Variants in CA10 observed in about 807,000 individuals in gnomAD.
CA10 encodes the protein carbonic anhydrase-related protein 10.
In CA10, 14 loss-of-function variants were observed where a neutral mutation model predicts 44.2. The ratio of observed to expected loss-of-function variants is 0.32; its 90% CI spans 0.21 to 0.50. The LOEUF (loss-of-function observed/expected upper bound fraction) is 0.50. Among genes scored for constraint, CA10 ranks in the 20% least tolerant of loss-of-function variants. CA10 has a pLI of 0.99. For missense variants in CA10, 350 were observed against 409.7 expected, an observed-to-expected ratio of 0.85 and a Z score of 1.26; for synonymous variants, 159 against 141.6, an observed-to-expected ratio of 1.12 and a Z score of -0.87.
chr17:51,908,417 T>C (rs1981651936), intron 3 of CA10, among the ~76,000 whole-genome samples: 1 of 152,144 alleles, frequency 6.6e-6, no homozygotes, highest in South Asian at 2.1e-4. Flanking sequence ...TTTTAACAAA[T>C]TTTGAGTGTG....
chr17:51,717,736 CGT>C (rs372145422), intron 4 of CA10, among the ~76,000 whole-genome samples: 621 of 21,022 alleles, frequency 0.03, 71 homozygotes, highest in African/African-American at 0.066. Context: ...TACATATATA[CGT>C]ATATATACAT....
chr17:52,026,191 G>A (rs1465014457), intron 2 of CA10, among the ~76,000 whole-genome samples: 1 of 152,116 alleles, frequency 6.6e-6, no homozygotes, highest in Non-Finnish European at 1.5e-5. Context: ...TTCCACTGAG[G>A]TGGAACAGAG....
chr17:51,753,574 G>A (rs537134439), intron 3 of CA10, among the ~76,000 whole-genome samples: 16 of 152,168 alleles, frequency 1.1e-4, no homozygotes, highest in Admixed American at 5.2e-4. Flanking sequence ...AGGGGGTGGC[G>A]GTAAATTCTG....
At chr17:51,635,750 G>A (rs1464654799) in intron 7 of CA10, 105 bp downstream of exon 7, 2 of 855,832 alleles carry the variant, frequency 2.3e-6, no homozygotes, top group South Asian at 2.3e-5. Context: ...GTGGGACTTT[G>A]TTATAGTGGT....
At chr17:52,143,509 CT>C (rs1989523724) in intron 1 of CA10, among the ~76,000 whole-genome samples, 1 of 152,022 alleles carries the variant, frequency 6.6e-6, no homozygotes, top group African/African-American at 2.4e-5. Context: ...GAAAAATGTT[CT>C]TTTTAAAAAA....
At chr17:51,831,747 T>C (rs2143787114) in intron 3 of CA10, among the ~76,000 whole-genome samples, 1 of 108,220 alleles carries the variant, frequency 9.2e-6, no homozygotes, top group South Asian at 4.0e-4. Context: ...AGACCTTCCT[T>C]CCACCTTATT....
intron 1 of CA10, among the ~76,000 whole-genome samples, chr17:52,111,018 AG>A (rs1988778754): frequency 6.6e-6 from 1 of 152,224 alleles, no homozygotes; most frequent in South Asian, 2.1e-4. Context: ...CTCAATAAAT[AG>A]TTGAACTAAA....
At chr17:51,842,935 C>T (rs542640184) in intron 3 of CA10, among the ~76,000 whole-genome samples, 1 of 152,190 alleles carries the variant, frequency 6.6e-6, no homozygotes, top group African/African-American at 2.4e-5. Context: ...AGAAGTTGAA[C>T]AAGGGGAATG....
intron 2 of CA10, among the ~76,000 whole-genome samples, chr17:51,979,702 T>C (rs1481474064): frequency 2.0e-5 from 3 of 152,158 alleles, no homozygotes; most frequent in Non-Finnish European, 4.4e-5. Context: ...ATATTCTACT[T>C]AAATAACTGA....
intron 3 of CA10, among the ~76,000 whole-genome samples, chr17:51,840,555 G>A (rs1345793182): frequency 6.6e-6 from 1 of 151,842 alleles, no homozygotes; most frequent in Non-Finnish European, 1.5e-5. Context: ...CACAGAGTTG[G>A]TAGGTGATAG....
At chr17:51,928,626 C>T (rs62070773) in intron 3 of CA10, among the ~76,000 whole-genome samples, 19,314 of 152,198 alleles carry the variant, frequency 0.13, 1,675 homozygotes, top group South Asian at 0.3. Context: ...CTGCATTTCA[C>T]GTACTGACAC....
At chr17:51,984,348 C>T (rs1173426772) in intron 2 of CA10, among the ~76,000 whole-genome samples, 4 of 151,818 alleles carry the variant, frequency 2.6e-5, no homozygotes, top group African/African-American at 9.7e-5. Context: ...CTCTGGAATA[C>T]AGCAAAGGCG....
At chr17:52,044,273 A>G (rs1029663442) in intron 2 of CA10, among the ~76,000 whole-genome samples, 1 of 151,936 alleles carries the variant, frequency 6.6e-6, no homozygotes, top group Non-Finnish European at 1.5e-5. Flanking sequence ...CTTCATGGTT[A>G]GTCTTGAGAG....
intron 2 of CA10, among the ~76,000 whole-genome samples, chr17:52,041,053 C>A (rs1022476353): frequency 2.0e-5 from 3 of 151,922 alleles, no homozygotes; most frequent in Non-Finnish European, 4.4e-5. Context: ...GGTAGAGGAG[C>A]TAAATTAGCC....
At chr17:52,039,810 A>G (rs149341183) in intron 2 of CA10, among the ~76,000 whole-genome samples, 43 of 152,276 alleles carry the variant, frequency 2.8e-4, no homozygotes, top group Middle Eastern at 3.4e-3. Context: ...CATGTTCTCT[A>G]TAAGACAACA....
At chr17:51,952,813 T>C (rs1440851988) in intron 2 of CA10, among the ~76,000 whole-genome samples, 1 of 152,150 alleles carries the variant, frequency 6.6e-6, no homozygotes, top group Non-Finnish European at 1.5e-5. Flanking sequence ...ACTGCCTTTA[T>C]TTCATTCTTC....
chr17:51,768,516 T>C (rs1488680179), intron 3 of CA10, among the ~76,000 whole-genome samples: 1 of 152,200 alleles, frequency 6.6e-6, no homozygotes, highest in Non-Finnish European at 1.5e-5. Flanking sequence ...GTGCTCAACT[T>C]TCAATAAGGC....
At chr17:51,710,922 T>A (rs1288343394) in intron 4 of CA10, among the ~76,000 whole-genome samples, 1 of 11,026 alleles carries the variant, frequency 9.1e-5, no homozygotes, top group Non-Finnish European at 1.5e-4. Flanking sequence ...AACATTTTGC[T>A]TTTTTTTTTT....
At chr17:51,803,754 A>C (rs1907024564) in intron 3 of CA10, among the ~76,000 whole-genome samples, 1 of 152,230 alleles carries the variant, frequency 6.6e-6, no homozygotes, top group African/African-American at 2.4e-5. Context: ...CAGCGAACTA[A>C]TTAAATTTAC....
Sources: allele counts gnomAD v4.1 joint callset (sites outside exome capture counted in the v4.1 genomes callset), GRCh38; gene constraint gnomAD v4.1.1; transcripts MANE v1.5; gene names NCBI Gene and HGNC (gene_info 2026-07-23, HGNC 2026-07-21).